The following CHSY1 variants were observed in gnomAD, a reference collection of about 807,000 sequenced individuals.
The protein encoded by CHSY1 is chondroitin sulfate synthase 1.
In CHSY1, 13 loss-of-function variants were observed where a neutral mutation model predicts 59.8. The ratio of observed to expected loss-of-function variants is 0.22; its 90% CI spans 0.14 to 0.35. CHSY1 has a LOEUF of 0.35. CHSY1 is among the 10% of genes least tolerant of loss of function. The probability of loss-of-function intolerance (pLI) is 1.00; values close to 1 mark genes in which losing one functional copy is unlikely to be tolerated. For synonymous variants in CHSY1, 459 were observed against 401.2 expected, an observed-to-expected ratio of 1.14 and a Z score of -1.72; for missense variants, 947 against 1,030.6, an observed-to-expected ratio of 0.92 and a Z score of 1.11.
chr15:101,190,241 G>T (rs533103545), intron 2 of CHSY1, among the ~76,000 whole-genome samples: 2 of 151,418 alleles, frequency 1.3e-5, no homozygotes, highest in Admixed American at 6.6e-5. Context: ...GGAAGAAGAG[G>T]GAGTGGGTTT....
chr15:101,239,817 G>T (rs1392929644), intron 1 of CHSY1, among the ~76,000 whole-genome samples: 1 of 151,898 alleles, frequency 6.6e-6, no homozygotes, highest in African/African-American at 2.4e-5. Flanking sequence ...AGCATTTCGC[G>T]GTAGAGCACG....
At chr15:101,232,508 C>T (rs550905541) in intron 2 of CHSY1, among the ~76,000 whole-genome samples, 10 of 152,190 alleles carry the variant, frequency 6.6e-5, no homozygotes, top group Middle Eastern at 3.4e-3. Flanking sequence ...AAGAACTACA[C>T]GTGAAAGGGA....
chr15:101,189,169 C>G (rs1276789255), intron 2 of CHSY1, among the ~76,000 whole-genome samples: 1 of 152,212 alleles, frequency 6.6e-6, no homozygotes, highest in East Asian at 1.9e-4. Context: ...CGAAAGAGTC[C>G]CAGCCCGGGC....
chr15:101,201,208 T>C (rs1188583471), intron 2 of CHSY1, among the ~76,000 whole-genome samples: 1 of 152,016 alleles, frequency 6.6e-6, no homozygotes, highest in East Asian at 1.9e-4. Flanking sequence ...TCCCCACAAA[T>C]GGGTATAGAG....
At chr15:101,208,068 T>C (rs2038645867) in intron 2 of CHSY1, among the ~76,000 whole-genome samples, 1 of 152,226 alleles carries the variant, frequency 6.6e-6, no homozygotes, top group South Asian at 2.1e-4. Context: ...AATGAGCAGC[T>C]AGATTTCTCA....
chr15:101,195,104 CCTT>C (rs1196928390), intron 2 of CHSY1, among the ~76,000 whole-genome samples: 2 of 152,202 alleles, frequency 1.3e-5, no homozygotes, highest in African/African-American at 4.8e-5. Context: ...TATTTTTAAA[CCTT>C]CTTTATTATT....
chr15:101,200,624 C>A (rs1216639321), intron 2 of CHSY1, among the ~76,000 whole-genome samples: 1 of 152,186 alleles, frequency 6.6e-6, no homozygotes, highest in African/African-American at 2.4e-5. Context: ...CCAGACTCTT[C>A]CAGATGCAGC....
intron 2 of CHSY1, among the ~76,000 whole-genome samples, chr15:101,219,411 T>C (rs1301435825): frequency 6.6e-6 from 1 of 152,164 alleles, no homozygotes; most frequent in East Asian, 1.9e-4. Flanking sequence ...ATGCAGTTGG[T>C]AAAGGTATAA....
intron 2 of CHSY1, among the ~76,000 whole-genome samples, chr15:101,228,813 G>A (rs1033061519): frequency 1.3e-5 from 2 of 152,132 alleles, no homozygotes; most frequent in African/African-American, 2.4e-5. Context: ...TAACTACATA[G>A]GTAAAAAAGG....
chr15:101,205,954 A>AAC (rs2038622616), intron 2 of CHSY1, among the ~76,000 whole-genome samples: 1 of 151,834 alleles, frequency 6.6e-6, no homozygotes, highest in South Asian at 2.1e-4. Flanking sequence ...TCCGTCTCAA[A>AAC]AAAAAAAAAA....
rs573463577 is a variant in CHSY1, at chr15:101,185,297, C to T, written c.817-6317G>A. 9.2e-5 allele frequency among the ~76,000 whole-genome samples: 14 copies of T among 152,334 alleles called. 1 individual carries two copies. The East Asian group carries it at 2.5e-3, about 27-fold the overall frequency. ...AGCCAGGTTAGGAAAGAAATTCATACATCATCTGTGATTTCTGAATGGAGC... is the reference window on the plus strand; with the variant it reads ...AGCCAGGTTAGGAAAGAAATTCATATATCATCTGTGATTTCTGAATGGAGC... On this transcript the variant is annotated intron_variant, in intron 2 of 2. Transcript: ENST00000254190.
intron 2 of CHSY1, among the ~76,000 whole-genome samples, chr15:101,186,255 G>C (rs2038362506): frequency 1.3e-5 from 2 of 151,598 alleles, no homozygotes; most frequent in African/African-American, 4.9e-5. Context: ...GGGAGGCGGA[G>C]GTTGCAGTGA....
intron 2 of CHSY1, among the ~76,000 whole-genome samples, chr15:101,220,518 C>T (rs1388767242): frequency 6.6e-6 from 1 of 152,214 alleles, no homozygotes; most frequent in Non-Finnish European, 1.5e-5. Flanking sequence ...CCACTTCTCA[C>T]CAGTCACCTG....
intron 2 of CHSY1, among the ~76,000 whole-genome samples, chr15:101,193,411 C>A (rs561411784): frequency 2.6e-5 from 4 of 152,310 alleles, no homozygotes; most frequent in Admixed American, 2.6e-4. Flanking sequence ...AACCTTGGAG[C>A]AGACTGAAGA....
chr15:101,230,950 C>A (rs2038886882), intron 2 of CHSY1, among the ~76,000 whole-genome samples: 1 of 152,178 alleles, frequency 6.6e-6, no homozygotes, highest in African/African-American at 2.4e-5. Context: ...TTAATGAACC[C>A]TTAACAAGTA....
intron 2 of CHSY1, among the ~76,000 whole-genome samples, chr15:101,197,775 T>C (rs557406658): frequency 6.6e-6 from 1 of 152,236 alleles, no homozygotes; most frequent in Non-Finnish European, 1.5e-5. Flanking sequence ...GTTAGAAGCC[T>C]ATTTGAATCT....
chr15:101,177,963 G>A lies in CHSY1; in HGVS notation c.1834C>T (p.Leu612=). The A allele has an allele frequency of 1.2e-6, 2 of 1,614,174 alleles. No homozygotes were observed. The highest frequency in any genetic ancestry group is 1.7e-6 in the Non-Finnish European group (2 of 1,180,022). The change falls in exon 3 of 3, where the codon CTG becomes TTG. Residue 612 remains leucine, a synonymous_variant. Coordinates refer to ENST00000254190, the MANE Select transcript of CHSY1 (RefSeq NM_014918.5). ...TGGGAGGATCCTACTTCCAGGGCCA[G>A]GGCTCTTGAAAACTCTCCAGACACA... The part of the protein sequence containing the change: ...LPVSGEFSRA[L]ALEVGSSQFN...
chr15:101,214,420 C>T (rs566155049), intron 2 of CHSY1, among the ~76,000 whole-genome samples: 1 of 152,222 alleles, frequency 6.6e-6, no homozygotes, highest in African/African-American at 2.4e-5. Context: ...AAAGTAAGAT[C>T]TGCATCAACG....
At chr15:101,193,249 A>T (rs2038467739) in intron 2 of CHSY1, among the ~76,000 whole-genome samples, 1 of 152,210 alleles carries the variant, frequency 6.6e-6, no homozygotes, top group Non-Finnish European at 1.5e-5. Flanking sequence ...GACGGGGATG[A>T]GAGCTTTGGA....
Sources: allele counts gnomAD v4.1 joint callset (sites outside exome capture counted in the v4.1 genomes callset), GRCh38; gene constraint gnomAD v4.1.1; transcripts MANE v1.5; gene names NCBI Gene and HGNC (gene_info 2026-07-23, HGNC 2026-07-21).